DISC1: variants seen among roughly 807,000 people sequenced by gnomAD.
DISC1 encodes DISC1 scaffold protein, also known as disrupted in schizophrenia 1 protein.
In DISC1, 57 loss-of-function variants were observed where a neutral mutation model predicts 84.5. The observed-to-expected ratio is 0.67, with a 90% CI of 0.55 to 0.84. DISC1 has a LOEUF of 0.84. Ranked by LOEUF, DISC1 falls within the 40% of genes least tolerant of loss-of-function variation. The pLI, the probability that DISC1 is intolerant of heterozygous loss-of-function variation, is 0.00. For synonymous variants in DISC1, 411 were observed against 415.2 expected, an observed-to-expected ratio of 0.99 and a Z score of 0.12; for missense variants, 1,000 against 1,057.8, an observed-to-expected ratio of 0.95 and a Z score of 0.76.
At chr1:231,833,547 G>C (rs2082402703) in intron 9 of DISC1, among the ~76,000 whole-genome samples, 1 of 151,792 alleles carries the variant, frequency 6.6e-6, no homozygotes, top group African/African-American at 2.4e-5. Context: ...GGCTCTGGGA[G>C]TGGCTGCCAG....
At chr1:232,007,660 T>C (rs821611) in intron 10 of DISC1, among the ~76,000 whole-genome samples, 42,942 of 152,028 alleles carry the variant, frequency 0.28, 6,331 homozygotes, top group African/African-American at 0.32. Context: ...TCAGATTAGA[T>C]TTTGGACTTG....
intron 9 of DISC1, among the ~76,000 whole-genome samples, chr1:231,950,173 T>C (rs2126156106): frequency 6.6e-6 from 1 of 150,960 alleles, no homozygotes; most frequent in African/African-American, 2.4e-5. Flanking sequence ...TTCTTCCTTC[T>C]TCTGTCTATA....
At chr1:231,787,446 GAGAC>G (rs927283053) in intron 6 of DISC1, among the ~76,000 whole-genome samples, 8 of 151,960 alleles carry the variant, frequency 5.3e-5, no homozygotes, top group Non-Finnish European at 8.8e-5. Flanking sequence ...TGGAGAGAGA[GAGAC>G]AGAGAGAGAA....
intron 1 of DISC1, among the ~76,000 whole-genome samples, chr1:231,632,889 G>A (rs552519032): frequency 1.3e-5 from 2 of 152,298 alleles, no homozygotes; most frequent in East Asian, 3.9e-4. Flanking sequence ...TGGCCAACAT[G>A]GCAGAAACCC....
chr1:231,773,289 G>A (rs779877527), intron 6 of DISC1, among the ~76,000 whole-genome samples: 11 of 152,184 alleles, frequency 7.2e-5, no homozygotes, highest in Non-Finnish European at 1.3e-4. Flanking sequence ...TGTATCCTCT[G>A]GTTTGCCTTT....
intron 10 of DISC1, among the ~76,000 whole-genome samples, chr1:231,973,022 G>A (rs1457691823): frequency 1.3e-5 from 2 of 151,130 alleles, no homozygotes; most frequent in Non-Finnish European, 2.9e-5. Flanking sequence ...TGTAAGACTA[G>A]TATACTAGTA....
intron 1 of DISC1, among the ~76,000 whole-genome samples, chr1:231,657,014 C>T (rs980614352): frequency 1.2e-4 from 19 of 152,190 alleles, no homozygotes. Context: ...ATATGCACCA[C>T]ATTTATTTAT....
At chr1:231,922,205 A>C (rs1286507666) in intron 9 of DISC1, among the ~76,000 whole-genome samples, 2 of 152,162 alleles carry the variant, frequency 1.3e-5, no homozygotes, top group Non-Finnish European at 2.9e-5. Context: ...TCACCATGAG[A>C]GGTAAAGGAA....
chr1:231,816,024 G>A (rs1385191480), intron 8 of DISC1, among the ~76,000 whole-genome samples: 4 of 152,162 alleles, frequency 2.6e-5, no homozygotes, highest in Non-Finnish European at 2.9e-5. Flanking sequence ...GGTATACATT[G>A]AACTTTATGA....
intron 9 of DISC1, among the ~76,000 whole-genome samples, chr1:231,821,746 T>C (rs546066677): frequency 2.4e-4 from 36 of 150,126 alleles, no homozygotes; most frequent in Non-Finnish European, 3.7e-4. Context: ...AGAGTTTTGC[T>C]CTTGTCACCC....
chr1:231,944,782 AAG>A (rs1656814924), intron 9 of DISC1: 1 of 152,168 alleles, frequency 6.6e-6, no homozygotes, highest in South Asian at 2.1e-4. Flanking sequence ...TAAGAAGCGG[AAG>A]TTACAATCCT....
At chr1:231,794,424 A>C (rs181409196) in intron 6 of DISC1, among the ~76,000 whole-genome samples, 1 of 152,182 alleles carries the variant, frequency 6.6e-6, no homozygotes, top group South Asian at 2.1e-4. Flanking sequence ...TTGATTTTCT[A>C]TTCCCCTTAT....
intron 9 of DISC1, among the ~76,000 whole-genome samples, chr1:231,933,453 A>C (rs1295076724): frequency 6.6e-6 from 1 of 152,136 alleles, no homozygotes; most frequent in Non-Finnish European, 1.5e-5. Context: ...CCTCTAAGGC[A>C]CCTTCTCATC....
intron 1 of DISC1, among the ~76,000 whole-genome samples, chr1:231,654,602 T>C (rs73113431): frequency 0.11 from 16,564 of 152,168 alleles, 1,406 homozygotes; most frequent in African/African-American, 0.24. Flanking sequence ...ATACTTTGAC[T>C]AACATCTTCC....
At chr1:231,734,761 A>G (rs1441913377) in intron 3 of DISC1, among the ~76,000 whole-genome samples, 1 of 152,208 alleles carries the variant, frequency 6.6e-6, no homozygotes, top group East Asian at 1.9e-4. Context: ...TCACAGTTAA[A>G]TTATTGCTTG....
intron 3 of DISC1, among the ~76,000 whole-genome samples, chr1:231,707,966 T>A (rs1270633790): frequency 2.6e-5 from 4 of 152,184 alleles, no homozygotes; most frequent in Admixed American, 2.6e-4. Flanking sequence ...AAGGATTTAG[T>A]GAGTTTTCAG....
chr1:231,771,042 C>G lies in DISC1; in HGVS notation c.1606C>G (p.His536Asp). 4 of 1,607,790 alleles carry G rather than the reference C, an allele frequency of 2.5e-6. No individual in the cohort carries two copies. The highest frequency in any genetic ancestry group is 3.4e-6 in the Non-Finnish European group (4 of 1,176,720). ...GGCCTCAGCCGGTCAGATTCCCTTC[C>G]ATGCAGAGCCACCGGAAACCATAAG... ...TLASAGQIPFHAEPPETIRSL... is the reference protein window; with the variant it reads ...TLASAGQIPFDAEPPETIRSL... The change falls in exon 6 of 13, where the codon CAT becomes GAT. Residue 536 changes from histidine to aspartate, a missense_variant. This residue lies in a region of DISC1 where 397 missense variants were observed against 377.5 expected (regional missense o/e 1.05). Coordinates refer to ENST00000439617, the MANE Select transcript of DISC1 (RefSeq NM_018662.3).
chr1:231,627,283 C>G (rs1459584712), intron 1 of DISC1, among the ~76,000 whole-genome samples: 2 of 152,138 alleles, frequency 1.3e-5, no homozygotes, highest in Non-Finnish European at 2.9e-5. Flanking sequence ...TTGGATCCGT[C>G]CCCGTCCTGG....
At chr1:231,844,297 A>G (rs1004698200) in intron 9 of DISC1, among the ~76,000 whole-genome samples, 1 of 152,166 alleles carries the variant, frequency 6.6e-6, no homozygotes, top group African/African-American at 2.4e-5. Flanking sequence ...ACTCAGGAAA[A>G]CACTTTACTT....
Sources: allele counts gnomAD v4.1 joint callset (sites outside exome capture counted in the v4.1 genomes callset), GRCh38; gene constraint gnomAD v4.1.1; regional missense constraint gnomAD v4.1.1; transcripts MANE v1.5; gene names NCBI Gene and HGNC (gene_info 2026-07-23, HGNC 2026-07-21).